NRXN1: variants seen among roughly 807,000 people sequenced by gnomAD.
NRXN1 encodes the protein neurexin-1.
A neutral mutation model predicts 150.9 loss-of-function variants in NRXN1; 39 were observed. That is an observed-to-expected ratio of 0.26 (90% CI 0.20 to 0.34). The LOEUF (loss-of-function observed/expected upper bound fraction) is 0.34. Ranked by LOEUF, NRXN1 falls within the 10% of genes least tolerant of loss-of-function variation. The pLI is 1.00. For synonymous variants in NRXN1, 924 were observed against 757.0 expected, an observed-to-expected ratio of 1.22 and a Z score of -3.62; for missense variants, 1,815 against 1,949.9, an observed-to-expected ratio of 0.93 and a Z score of 1.30.
chr2:49,990,389 T>G (rs1388333447), intron 21 of NRXN1, among the ~76,000 whole-genome samples: 1 of 152,032 alleles, frequency 6.6e-6, no homozygotes, highest in Admixed American at 6.6e-5. Context: ...GGAAGTTGTG[T>G]AGGGTAGGTA....
intron 5 of NRXN1, among the ~76,000 whole-genome samples, chr2:50,750,875 A>C (rs946591722): frequency 1.3e-5 from 2 of 152,090 alleles, no homozygotes; most frequent in African/African-American, 4.8e-5. Flanking sequence ...AGAAAACATA[A>C]AGAATGCATA....
At chr2:50,633,059 T>A (rs145601606) in intron 5 of NRXN1, 2 of 152,140 alleles carry the variant, frequency 1.3e-5, no homozygotes, top group Non-Finnish European at 2.9e-5. Flanking sequence ...TAACAAGTCA[T>A]CATTATTGGT....
intron 17 of NRXN1, among the ~76,000 whole-genome samples, chr2:50,448,301 G>T (rs560765290): frequency 6.6e-6 from 1 of 152,138 alleles, no homozygotes; most frequent in Admixed American, 6.6e-5. Context: ...GATTGCTTAT[G>T]CTATTCATCT....
intron 8 of NRXN1, among the ~76,000 whole-genome samples, chr2:50,573,535 A>G (rs1420915678): frequency 2.0e-5 from 3 of 152,122 alleles, no homozygotes; most frequent in Non-Finnish European, 2.9e-5. Context: ...ACTATTAGAT[A>G]GTTAATTATT....
At chr2:50,237,310 T>C (rs1559146954) in intron 17 of NRXN1, among the ~76,000 whole-genome samples, 1 of 152,038 alleles carries the variant, frequency 6.6e-6, no homozygotes, top group South Asian at 2.1e-4. Context: ...GTAGAAAACA[T>C]TGACTGGATG....
At chr2:50,673,575 T>C (rs1367350997) in intron 5 of NRXN1, among the ~76,000 whole-genome samples, 4 of 152,078 alleles carry the variant, frequency 2.6e-5, no homozygotes, top group African/African-American at 9.7e-5. Context: ...CATGGCTGGG[T>C]GTGCAAGATT....
intron 8 of NRXN1, among the ~76,000 whole-genome samples, chr2:50,557,089 C>T (rs979399742): frequency 6.6e-6 from 1 of 152,130 alleles, no homozygotes; most frequent in African/African-American, 2.4e-5. Context: ...TGCATCTTCT[C>T]GTACACAGAC....
intron 21 of NRXN1, among the ~76,000 whole-genome samples, chr2:50,018,393 T>A (rs1261057771): frequency 6.6e-6 from 1 of 152,152 alleles, no homozygotes; most frequent in African/African-American, 2.4e-5. Context: ...AGCAGGGACT[T>A]CTTTTAGAAT....
chr2:50,000,726 T>C (rs10495991), intron 21 of NRXN1, among the ~76,000 whole-genome samples: 72,197 of 151,902 alleles, frequency 0.48, 17,749 homozygotes, highest in Middle Eastern at 0.62. Context: ...GTGAAAAGTG[T>C]ACAAAGGGTA....
At chr2:50,429,934 A>G (rs1327167565) in intron 17 of NRXN1, among the ~76,000 whole-genome samples, 1 of 152,210 alleles carries the variant, frequency 6.6e-6, no homozygotes, top group Non-Finnish European at 1.5e-5. Flanking sequence ...ATCTATTATG[A>G]AAAATTGCAT....
At chr2:50,383,960 A>G (rs2081146139) in intron 17 of NRXN1, among the ~76,000 whole-genome samples, 2 of 152,188 alleles carry the variant, frequency 1.3e-5, no homozygotes, top group Admixed American at 6.5e-5. Flanking sequence ...CCGTTTATAC[A>G]TGTTGAACTT....
At chr2:50,009,347 T>C (rs1354539605) in intron 21 of NRXN1, among the ~76,000 whole-genome samples, 2 of 152,156 alleles carry the variant, frequency 1.3e-5, no homozygotes, top group South Asian at 2.1e-4. Flanking sequence ...GATGGTATTT[T>C]CCAATTCCTT....
intron 15 of NRXN1, among the ~76,000 whole-genome samples, chr2:50,481,796 C>T (rs1324347425): frequency 1.4e-4 from 13 of 94,516 alleles, no homozygotes; most frequent in African/African-American, 1.7e-4. Context: ...GACGGAGTCT[C>T]GCTCTGTCGC....
intron 17 of NRXN1, among the ~76,000 whole-genome samples, chr2:50,455,690 G>T (rs1558762226): frequency 6.6e-6 from 1 of 152,134 alleles, no homozygotes; most frequent in Non-Finnish European, 1.5e-5. Context: ...AGCAGATTCA[G>T]AATTGATGTC....
Position 50,410,210 on chromosome 2 carries a change from A to G in NRXN1, c.3364+55232T>C, listed in dbSNP as rs531282417. On this transcript the variant is annotated intron_variant, in intron 17 of 22. Transcript: ENST00000401669. ...GATAGAGTGAAGAAAAAAAAAGAGT[A>G]CCTCTAAATTTGTCTCTTTTTTGCC... 5.3e-5 allele frequency among the ~76,000 whole-genome samples: 8 copies of G among 152,252 alleles called. No individual in the cohort carries two copies. In the South Asian group the frequency reaches 1.7e-3, roughly 32 times the overall value.
intron 18 of NRXN1, among the ~76,000 whole-genome samples, chr2:50,093,424 C>A (rs7586286): frequency 1.3e-5 from 2 of 148,420 alleles, no homozygotes; most frequent in African/African-American, 2.5e-5. Context: ...GGAGACCAGC[C>A]TGGGAAACAT....
At chr2:50,067,299 A>C (rs998421526) in intron 19 of NRXN1, among the ~76,000 whole-genome samples, 1 of 152,222 alleles carries the variant, frequency 6.6e-6, no homozygotes, top group African/African-American at 2.4e-5. Flanking sequence ...AGTGTTTTAC[A>C]CAAAGATTTG....
At chr2:50,770,474 G>T (rs763422924) in intron 5 of NRXN1, among the ~76,000 whole-genome samples, 2 of 151,878 alleles carry the variant, frequency 1.3e-5, no homozygotes, top group Non-Finnish European at 2.9e-5. Flanking sequence ...ATTGGACTAA[G>T]GTGCGTCTCA....
chr2:50,586,975 T>C (rs17039327), intron 8 of NRXN1, among the ~76,000 whole-genome samples: 7,041 of 152,292 alleles, frequency 0.046, 252 homozygotes, highest in African/African-American at 0.094. Context: ...TGTTTTGTAT[T>C]AGGAAAGATA....
Sources: allele counts gnomAD v4.1 joint callset (sites outside exome capture counted in the v4.1 genomes callset), GRCh38; gene constraint gnomAD v4.1.1; transcripts MANE v1.5; gene names NCBI Gene and HGNC (gene_info 2026-07-23, HGNC 2026-07-21).